Variants in CRAMP1 observed in about 807,000 individuals in gnomAD.
CRAMP1 encodes the protein protein cramped-like.
A neutral mutation model predicts 115.4 loss-of-function variants in CRAMP1; 50 were observed. That is an observed-to-expected ratio of 0.43 (90% confidence interval 0.35 to 0.55). The LOEUF is 0.55. CRAMP1 is among the 20% of genes least tolerant of loss of function. CRAMP1 has a pLI of 0.01. For synonymous variants in CRAMP1, 866 were observed against 745.4 expected (o/e 1.16, Z -2.64); for missense variants, 1,679 against 1,721.7 (o/e 0.98, Z 0.44).
intron 4 of CRAMP1, among the ~76,000 whole-genome samples, chr16:1,636,832 C>G (rs1467921250): frequency 6.6e-6 from 1 of 152,226 alleles, no homozygotes; most frequent in Non-Finnish European, 1.5e-5. Flanking sequence ...CTTGGCTGTC[C>G]TTGGTGACAG....
At chr16:1,638,763 G>A (rs1250099657) in intron 5 of CRAMP1, among the ~76,000 whole-genome samples, 1 of 152,066 alleles carries the variant, frequency 6.6e-6, no homozygotes, top group Admixed American at 6.6e-5. Context: ...GGACAGATAC[G>A]GAGCAGTCGC....
chr16:1,655,369 C>A, intron 9 of CRAMP1, 69 bp downstream of exon 9: 1 of 1,208,702 alleles, frequency 8.3e-7, no homozygotes, highest in Non-Finnish European at 1.2e-6. Flanking sequence ...TGGACCACGC[C>A]TCCCTGTGCC....
intron 2 of CRAMP1, among the ~76,000 whole-genome samples, chr16:1,622,700 A>T (rs553377944): frequency 6.6e-6 from 1 of 151,454 alleles, no homozygotes; most frequent in East Asian, 1.9e-4. Flanking sequence ...TTCCTACCTC[A>T]GCCACCCAAG....
chr16:1,632,710 A>G, intron 4 of CRAMP1, among the ~76,000 whole-genome samples: 1 of 152,250 alleles, frequency 6.6e-6, no homozygotes, highest in East Asian at 1.9e-4. Context: ...ACCATGGTCC[A>G]GCGAGGGGCT....
rs1331943292 is a variant in CRAMP1 at position 1,666,518 on chromosome 16, C to T, written c.2954C>T (p.Ser985Phe). 10 of 1,613,852 alleles carry T rather than the reference C, an allele frequency of 6.2e-6. No individual in the cohort carries two copies. The highest frequency in any genetic ancestry group is 8.5e-6 in the Non-Finnish European group (10 of 1,179,864). The change falls in exon 16 of 21, where the codon TCT becomes TTT. Residue 985 changes from serine to phenylalanine, a missense_variant. Around this residue, in one of 8 missense-constraint regions of CRAMP1, gnomAD observed 709 missense variants for 741.9 expected, o/e 0.96. Transcript: ENST00000397412. This position sits in a 1 kb window ranked among gnomAD's most constrained non-coding sequence, Gnocchi z 5.0. ...TEGLSGISPLSSDEVTGAISG... is the reference protein window; with the variant it reads ...TEGLSGISPLFSDEVTGAISG... ...GGCTTGTCTGGCATCTCTCCACTGT[C>T]TTCAGACGAGGTGACGGGTGCCATC...
At chr16:1,617,674 C>G (rs1251575043) in intron 2 of CRAMP1, among the ~76,000 whole-genome samples, 1 of 152,216 alleles carries the variant, frequency 6.6e-6, no homozygotes, top group African/African-American at 2.4e-5. Flanking sequence ...GAGACTCTTA[C>G]AGTGAATTTG....
chr16:1,673,512 C>T (rs558856296), intron 20 of CRAMP1, among the ~76,000 whole-genome samples: 9 of 146,050 alleles, frequency 6.2e-5, no homozygotes, highest in African/African-American at 2.5e-4. Context: ...TTTCCCGGCA[C>T]TCTCTGTCCC....
intron 10 of CRAMP1, among the ~76,000 whole-genome samples, chr16:1,658,978 G>C (rs1431392119): frequency 6.6e-6 from 1 of 152,158 alleles, no homozygotes; most frequent in African/African-American, 2.4e-5. Flanking sequence ...TGGTGAGCCA[G>C]ACAGGGACCC....
Position 1,666,201 on chromosome 16 carries a change from C to T in CRAMP1, c.2857+24C>T, listed in dbSNP as rs775911202. 4 of 1,507,624 alleles carry T rather than the reference C, an allele frequency of 2.7e-6. No individual in the cohort carries two copies. The highest frequency in any genetic ancestry group is 2.8e-5 in the African/African-American group (2 of 72,672). 93.4% of individuals were successfully genotyped at this position (1,507,624 alleles called of 1,614,324 possible). A position where few individuals can be genotyped will look rare whatever the true frequency, so the allele number is the denominator to read the frequency against. The stretch of plus-strand genomic sequence containing the variant: ...CAGTAAGTCTGTACCTGCATGGCCA[C>T]AGCCACTGAGTGAGCCTCTGAGGGA... On this transcript the variant is annotated intron_variant, in intron 15 of 20. Transcript: ENST00000397412. The surrounding 1 kb of genome is among the most constrained non-coding windows in gnomAD (Gnocchi z 5.0).
intron 13 of CRAMP1, 44 bp from the exon 14 acceptor site, chr16:1,665,013 T>A: frequency 7.6e-7 from 1 of 1,313,654 alleles, no homozygotes; most frequent in Non-Finnish European, 1.1e-6. Context: ...GATTTTTTGG[T>A]ATGGGAGTTT....
intron 2 of CRAMP1, among the ~76,000 whole-genome samples, chr16:1,615,996 A>G (rs1366159032): frequency 6.6e-6 from 1 of 152,240 alleles, no homozygotes; most frequent in African/African-American, 2.4e-5. Flanking sequence ...CATGTGTTCC[A>G]TTAAGCCCAC....
intron 13 of CRAMP1, 54 bp downstream of exon 13, chr16:1,662,889 C>CA (rs2036845372): frequency 5.8e-6 from 8 of 1,370,134 alleles, no homozygotes; most frequent in Admixed American, 5.6e-5. Flanking sequence ...CCAACCAGGA[C>CA]ACAGGGCTTC....
chr16:1,669,074 C>T lies in CRAMP1; in HGVS notation c.3408C>T (p.Ser1136=). The change falls in exon 19 of 21, where the codon AGC becomes AGT. Residue 1136 remains serine, a synonymous_variant. Transcript: ENST00000397412. The surrounding 1 kb of genome is among the most constrained non-coding windows in gnomAD (Gnocchi z 4.6). ...CCAAGAGCCTTCCCTCCCCGTCCAG[C>T]AGCCCCCAGCCACACTGGATCGCCT... ...DSSKSLPSPS[S]SPQPHWIASP... The T allele has an allele frequency of 6.2e-7, 1 of 1,612,160 alleles. No homozygotes were observed. The highest frequency in any genetic ancestry group is 1.1e-5 in the South Asian group (1 of 90,650).
chr16:1,668,298 G>A (rs1006035856), intron 18 of CRAMP1, 105 bp downstream of exon 18: 19 of 919,590 alleles, frequency 2.1e-5, no homozygotes, highest in East Asian at 1.2e-4. Flanking sequence ...TGATTTTTAC[G>A]AATTGAAAAC....
intron 4 of CRAMP1, among the ~76,000 whole-genome samples, chr16:1,636,893 C>A (rs2036592266): frequency 1.3e-5 from 2 of 152,234 alleles, no homozygotes; most frequent in African/African-American, 4.8e-5. Context: ...GGGAACCCTC[C>A]TGCCCAAATC....
At chr16:1,624,803 C>T (rs769679418) in intron 2 of CRAMP1, among the ~76,000 whole-genome samples, 8 of 152,154 alleles carry the variant, frequency 5.3e-5, no homozygotes, top group African/African-American at 1.7e-4. Flanking sequence ...AGGTTGGTCT[C>T]GATCTCTTGA....
chr16:1,647,869 C>A (rs2036689987), intron 6 of CRAMP1, among the ~76,000 whole-genome samples: 2 of 150,798 alleles, frequency 1.3e-5, no homozygotes, highest in Non-Finnish European at 1.5e-5. Context: ...CCGGGCCTAT[C>A]TGGGAAGTCT....
chr16:1,665,959 C>A, intron 14 of CRAMP1, 114 bp from the exon 15 acceptor site: 1 of 690,026 alleles, frequency 1.4e-6, no homozygotes, highest in Non-Finnish European at 2.6e-6. Context: ...TCCAGCTTGG[C>A]TCGGCTCCCA....
At chr16:1,635,976 C>CT (rs1435806477) in intron 4 of CRAMP1, among the ~76,000 whole-genome samples, 8 of 152,140 alleles carry the variant, frequency 5.3e-5, no homozygotes, top group Admixed American at 5.2e-4. Context: ...TGTGCCAGTC[C>CT]TTTGTATGGC....
Sources: gnomAD v4.1 joint callset for allele counts (sites outside exome capture counted in the v4.1 genomes callset) on GRCh38, gnomAD v4.1.1 for gene constraint, gnomAD v4.1.1 regional missense constraint, Gnocchi (gnomAD v3.1) non-coding constraint, MANE v1.5 for transcripts, NCBI Gene and HGNC (gene_info 2026-07-23, HGNC 2026-07-21) for gene names.